Variants in CNTLN observed in about 807,000 individuals in gnomAD.
The protein encoded by CNTLN is centlein.
In CNTLN, 212 loss-of-function variants were observed where a neutral mutation model predicts 180.0. That is an observed-to-expected ratio of 1.18 (90% confidence interval 1.05 to 1.32). The LOEUF is 1.32. Ranked by LOEUF, CNTLN falls within the 40% of genes most tolerant of loss-of-function variation. The pLI is 0.00. For synonymous variants in CNTLN, 722 were observed against 563.1 expected (o/e 1.28, Z -3.99); for missense variants, 2,095 against 1,610.9 (o/e 1.30, Z -5.14).
At chr9:17,325,490 GTAGT>G (rs1198595049) in intron 8 of CNTLN, among the ~76,000 whole-genome samples, 2 of 148,584 alleles carry the variant, frequency 1.3e-5, no homozygotes, top group Non-Finnish European at 3.0e-5. Context: ...CGTCATTCAA[GTAGT>G]TAGTTTTTCT....
At chr9:17,390,235 C>CTTT (rs35329298) in intron 14 of CNTLN, among the ~76,000 whole-genome samples, 29,045 of 77,296 alleles carry the variant, frequency 0.38, 5,652 homozygotes, top group Non-Finnish European at 0.45. Context: ...AAAAGAGCCT[C>CTTT]TTTTTTTTTT....
At chr9:17,412,908 A>G (rs1331321093) in intron 16 of CNTLN, among the ~76,000 whole-genome samples, 1 of 152,248 alleles carries the variant, frequency 6.6e-6, no homozygotes, top group African/African-American at 2.4e-5. Context: ...AGACTATCTC[A>G]GTAAAGAATT....
chr9:17,237,788 AG>A (rs1234079660), intron 5 of CNTLN, among the ~76,000 whole-genome samples: 1 of 151,878 alleles, frequency 6.6e-6, no homozygotes, highest in Non-Finnish European at 1.5e-5. Context: ...TATTTAAGTT[AG>A]GGGAGAAGGA....
rs1297285891 is a variant in CNTLN, at chr9:17,312,339, GTATTTATATATATATATATATATATTA to G, written c.1341+3091_1341+3117del. Among the ~76,000 whole-genome samples the G allele has an allele frequency of 1.9e-3, 237 of 122,870 alleles. 3 individuals carry two copies. Among genetic ancestry groups the G allele is most frequent in the African/African-American group, 4.0e-3 (128 of 32,118 alleles). The allele number at this position is 122,870 out of a possible 152,430, so 80.6% of individuals were successfully genotyped here. ...ACAGGTAGTACTCGATAAGATTACTGTATTTATATATATATATATATATATTATATATATATATATATATAATTTATT... is the reference window on the plus strand; with the variant it reads ...ACAGGTAGTACTCGATAAGATTACTGTATATATATATATATATAATTTATT... On this transcript the variant is annotated intron_variant, in intron 8 of 25. Transcript: ENST00000380647.
Position 17,339,241 on chromosome 9 carries a change from C to G in CNTLN, c.1645-1586C>G, listed in dbSNP as rs531330836. On this transcript the variant is annotated intron_variant, in intron 10 of 25. Coordinates refer to ENST00000380647, the MANE Select transcript of CNTLN (RefSeq NM_017738.4). Reference sequence around the variant, plus strand: ...GTAGAATGACAGACTACCCATACTGCTAAGACAGCTAGAATTGCAGTAAAA... The same window carrying G: ...GTAGAATGACAGACTACCCATACTGGTAAGACAGCTAGAATTGCAGTAAAA... 6.6e-5 allele frequency among the ~76,000 whole-genome samples: 10 copies of G among 152,238 alleles called. No homozygotes were observed. In the South Asian group the frequency reaches 2.1e-3, roughly 32 times the overall value.
chr9:17,159,493 G>A (rs1180575333), intron 2 of CNTLN, among the ~76,000 whole-genome samples: 2 of 152,100 alleles, frequency 1.3e-5, no homozygotes, highest in Admixed American at 6.5e-5. Flanking sequence ...CACAAGCTGG[G>A]GTCTCAATAT....
At chr9:17,371,613 A>G (rs372593818) in intron 13 of CNTLN, among the ~76,000 whole-genome samples, 27 of 152,158 alleles carry the variant, frequency 1.8e-4, no homozygotes, top group African/African-American at 6.0e-4. Context: ...CTGTAGACCA[A>G]ATGGAGCTAA....
At chr9:17,452,873 C>A (rs988646045) in intron 18 of CNTLN, among the ~76,000 whole-genome samples, 1 of 152,064 alleles carries the variant, frequency 6.6e-6, no homozygotes, top group Non-Finnish European at 1.5e-5. Context: ...ACAGTTGCAG[C>A]TGAGAGCAGC....
chr9:17,277,656 T>C (rs1169809759), intron 6 of CNTLN, among the ~76,000 whole-genome samples: 2 of 152,220 alleles, frequency 1.3e-5, no homozygotes, highest in Admixed American at 6.6e-5. Flanking sequence ...TTATATATAG[T>C]TTAAACTAAT....
chr9:17,411,688 G>A (rs1587923811), intron 16 of CNTLN, among the ~76,000 whole-genome samples: 1 of 152,122 alleles, frequency 6.6e-6, no homozygotes, highest in East Asian at 1.9e-4. Context: ...GCTGTGAACT[G>A]CACATGCAAG....
At chr9:17,301,689 A>G (rs756168943) in intron 7 of CNTLN, 671 of 963,012 alleles carry the variant, frequency 7.0e-4, no homozygotes, top group Middle Eastern at 1.1e-3. Flanking sequence ...ATCCTCAACT[A>G]GACTCAATTT....
chr9:17,507,972 C>T (rs1203796930), downstream of CNTLN, among the ~76,000 whole-genome samples: 1 of 152,154 alleles, frequency 6.6e-6, no homozygotes, highest in African/African-American at 2.4e-5. Context: ...CTTCTGTACT[C>T]TTACATTTTG....
chr9:17,499,462 G>T (rs556894940), intron 25 of CNTLN, among the ~76,000 whole-genome samples: 84 of 152,268 alleles, frequency 5.5e-4, no homozygotes, highest in Middle Eastern at 3.4e-3. Flanking sequence ...TACAATCTAT[G>T]AAAAATGTTT....
chr9:17,262,955 A>T lies in CNTLN; in HGVS notation c.850-10778A>T, dbSNP rs189661722. Among the ~76,000 whole-genome samples the T allele has an allele frequency of 4.0e-4, 60 of 151,352 alleles. 3 individuals carry two copies. The highest frequency in any genetic ancestry group is 1.4e-3 in the African/African-American group (59 of 40,846). ...TTTTATCAAAAGCTTCTCTGTGTCT[A>T]TTGAGATGATCATATGGTTTTGTTT... is the stretch of plus-strand genomic sequence containing the variant. On this transcript the variant is annotated intron_variant, in intron 5 of 25. Coordinates refer to ENST00000380647, the MANE Select transcript of CNTLN (RefSeq NM_017738.4).
At chr9:17,256,093 T>A (rs1826468908) in intron 5 of CNTLN, among the ~76,000 whole-genome samples, 1 of 151,692 alleles carries the variant, frequency 6.6e-6, no homozygotes, top group Non-Finnish European at 1.5e-5. Context: ...AGGATATGAT[T>A]TTTTTAACTG....
At chr9:17,371,666 C>T (rs1824328621) in intron 13 of CNTLN, among the ~76,000 whole-genome samples, 3 of 152,134 alleles carry the variant, frequency 2.0e-5, no homozygotes, top group Admixed American at 2.0e-4. Context: ...AATACACATT[C>T]TTCTCCCCAG....
chr9:17,397,381 T>C (rs1387779675), intron 15 of CNTLN, among the ~76,000 whole-genome samples: 7 of 152,202 alleles, frequency 4.6e-5, no homozygotes, highest in Admixed American at 4.6e-4. Context: ...TTCCTGACTA[T>C]AGGCTAAACA....
downstream of CNTLN, among the ~76,000 whole-genome samples, chr9:17,507,856 CAG>C (rs1490578325): frequency 6.6e-6 from 1 of 152,268 alleles, no homozygotes; most frequent in African/African-American, 2.4e-5. Context: ...TCTACAAAAC[CAG>C]AGTTTTGACA....
At chr9:17,505,306 C>T (rs138136592), downstream of CNTLN, among the ~76,000 whole-genome samples, 6 of 151,986 alleles carry the variant, frequency 3.9e-5, no homozygotes, top group East Asian at 9.7e-4. Flanking sequence ...CTCAACATAA[C>T]GTGGGAAATT....
Sources: gnomAD v4.1 joint callset for allele counts (sites outside exome capture counted in the v4.1 genomes callset) on GRCh38, gnomAD v4.1.1 for gene constraint, MANE v1.5 for transcripts, NCBI Gene and HGNC (gene_info 2026-07-23, HGNC 2026-07-21) for gene names.